SLC35A3: variants seen among roughly 807,000 people sequenced by gnomAD.
SLC35A3 encodes UDP-N-acetylglucosamine transporter.
Under a neutral mutation model 39.0 loss-of-function variants are expected in SLC35A3, and 26 were observed. That is an observed-to-expected ratio of 0.67 (90% CI 0.49 to 0.92). The LOEUF (loss-of-function observed/expected upper bound fraction) is 0.92. Among genes scored for constraint, SLC35A3 ranks in the 40% least tolerant of loss-of-function variants. The pLI is 0.00. For missense variants in SLC35A3, 299 were observed against 371.6 expected, an observed-to-expected ratio of 0.80 and a Z score of 1.61; for synonymous variants, 135 against 133.1, an observed-to-expected ratio of 1.01 and a Z score of -0.10.
chr1:99,999,656 C>G (rs1658631273), intron 3 of SLC35A3, among the ~76,000 whole-genome samples: 1 of 152,040 alleles, frequency 6.6e-6, no homozygotes, highest in Admixed American at 6.6e-5. Context: ...CCATAGTCAC[C>G]TTACTATGCT....
chr1:100,007,105 A>G lies in SLC35A3; in HGVS notation c.414A>G (p.Val138=), dbSNP rs988629039. The change falls in exon 4 of 8, where the codon GTA becomes GTG. Residue 138 remains valine (V), a synonymous_variant. Coordinates refer to ENST00000533028, the MANE Select transcript of SLC35A3 (RefSeq NM_012243.3). ...SVSMLSKKLG[V]YQWLSLVILM... ...CTATGCTTAGTAAAAAATTGGGTGT[A>G]TACCAGTGGCTGTCCCTAGTAATTT... 5.0e-6 allele frequency: 8 copies of G among 1,612,848 alleles called. No individual in the cohort carries two copies. Among genetic ancestry groups the G allele is most frequent in the Admixed American group, 1.7e-5 (1 of 59,892 alleles).
At position 100,031,357 on chromosome 1, in the gene SLC35A3, C is replaced by A. The variant is rs984583569; in HGVS notation, c.*8881C>A. On this transcript the variant is annotated 3_prime_UTR_variant, in exon 8 of 8. Coordinates refer to ENST00000533028, the MANE Select transcript of SLC35A3 (RefSeq NM_012243.3). ...CTTTATCTCTGTTGGGACACTTTAC[C>A]CCTACATACTCCAGCATGCGTGACC... is the stretch of plus-strand genomic sequence containing the variant. 2.0e-5 allele frequency: 3 copies of A among 152,122 alleles called. No individual in the cohort carries two copies. The highest frequency in any genetic ancestry group is 7.2e-5 in the African/African-American group (3 of 41,418). The allele number at this position is 152,122 out of a possible 1,614,324, so 9.4% of individuals were successfully genotyped here. A position where few individuals can be genotyped will look rare whatever the true frequency, so the allele number is the denominator to read the frequency against.
chr1:100,033,643 C>A lies in SLC35A3; in HGVS notation c.*11167C>A, dbSNP rs1187777240. ...AGAGTCCCCAATTTGCTTGTCTAGG[C>A]CTCTACTATTTAATTTGACACCTTT... On this transcript the variant is annotated 3_prime_UTR_variant, in exon 8 of 8. Coordinates refer to ENST00000533028, the MANE Select transcript of SLC35A3 (RefSeq NM_012243.3). The A allele has an allele frequency of 6.6e-6, 1 of 151,942 alleles. No individual in the cohort carries two copies. The highest frequency in any genetic ancestry group is 3.2e-3 in the Middle Eastern group (1 of 316). 9.4% of individuals were successfully genotyped at this position (151,942 alleles called of 1,614,324 possible).
chr1:100,012,209 A>T (rs1406754902), intron 5 of SLC35A3, among the ~76,000 whole-genome samples: 1 of 151,970 alleles, frequency 6.6e-6, no homozygotes, highest in East Asian at 1.9e-4. Flanking sequence ...GCTTGAACCT[A>T]GGAGGCGGAG....
Position 100,034,291 on chromosome 1 carries a change from A to T in SLC35A3, c.*11815A>T, listed in dbSNP as rs930661536. 2.0e-5 allele frequency: 3 copies of T among 151,714 alleles called. No individual in the cohort carries two copies. Among genetic ancestry groups the T allele is most frequent in the African/African-American group, 4.9e-5 (2 of 41,218 alleles). 9.4% of individuals were successfully genotyped at this position (151,714 alleles called of 1,614,324 possible). A position where few individuals can be genotyped will look rare whatever the true frequency, so the allele number is the denominator to read the frequency against. The stretch of plus-strand genomic sequence containing the variant: ...TACTTTACTTTTATTTGTGTCTCTC[A>T]GGTACCCTGTGATTTAGTTTTCATT... On this transcript the variant is annotated 3_prime_UTR_variant, in exon 8 of 8. Transcript: ENST00000533028.
chr1:100,021,032 A>G (rs1660499073), intron 7 of SLC35A3, among the ~76,000 whole-genome samples: 1 of 152,216 alleles, frequency 6.6e-6, no homozygotes, highest in African/African-American at 2.4e-5. Context: ...GCTTTGGACT[A>G]TTAGTAGAAA....
intron 1 of SLC35A3, among the ~76,000 whole-genome samples, chr1:99,975,573 T>C (rs1219956038): frequency 6.6e-6 from 1 of 152,178 alleles, no homozygotes; most frequent in South Asian, 2.1e-4. Context: ...GTAAGATATA[T>C]AGAGGTTCTA....
At chr1:99,975,262 A>G (rs1334315928) in intron 1 of SLC35A3, among the ~76,000 whole-genome samples, 2 of 152,074 alleles carry the variant, frequency 1.3e-5, no homozygotes, top group Non-Finnish European at 2.9e-5. Context: ...CTTTTATGTT[A>G]TTACACAGAG....
chr1:99,985,040 G>C (rs1237920995), intron 1 of SLC35A3, among the ~76,000 whole-genome samples: 1 of 152,076 alleles, frequency 6.6e-6, no homozygotes, highest in Admixed American at 6.5e-5. Context: ...TGGGTTGTCT[G>C]TTTACTCTGC....
intron 4 of SLC35A3, chr1:100,008,757 A>G (rs1659415100): frequency 6.6e-6 from 1 of 152,170 alleles, no homozygotes; most frequent in Admixed American, 6.5e-5. Context: ...CATAACATTT[A>G]AACATTTGTG....
At position 100,030,297 on chromosome 1, in the gene SLC35A3, A is replaced by G. The variant is rs1661155984; in HGVS notation, c.*7821A>G. On this transcript the variant is annotated 3_prime_UTR_variant, in exon 8 of 8. Coordinates refer to ENST00000533028, the MANE Select transcript of SLC35A3 (RefSeq NM_012243.3). ...TTTCCTCATTTTAAAGGTAGAACTC[A>G]CTGCAGGTTTAAAAGAATAATGAAT... 6.6e-6 allele frequency: 1 copy of G among 152,272 alleles called. No homozygotes were observed. Among genetic ancestry groups the G allele is most frequent in the African/African-American group, 2.4e-5 (1 of 41,470 alleles). The allele number at this position is 152,272 out of a possible 1,614,324, so 9.4% of individuals were successfully genotyped here.
Position 100,027,738 on chromosome 1 carries a change from A to G in SLC35A3, c.*5262A>G, listed in dbSNP as rs1660996238. ...CTGCTGAAGTAACCTTACACAAAAT[A>G]CTTTGTAAAAAAATCACTAAAGTGC... On this transcript the variant is annotated 3_prime_UTR_variant, in exon 8 of 8. Coordinates refer to ENST00000533028, the MANE Select transcript of SLC35A3 (RefSeq NM_012243.3). 1 of 152,140 alleles carries G rather than the reference A, an allele frequency of 6.6e-6. No individual in the cohort carries two copies. Among genetic ancestry groups the G allele is most frequent in the African/African-American group, 2.4e-5 (1 of 41,424 alleles). 9.4% of individuals were successfully genotyped at this position (152,140 alleles called of 1,614,324 possible). A position where few individuals can be genotyped will look rare whatever the true frequency, so the allele number is the denominator to read the frequency against.
At position 100,024,183 on chromosome 1, in the gene SLC35A3, A is replaced by G. The variant is rs1468936714; in HGVS notation, c.*1707A>G. 6.6e-6 allele frequency: 1 copy of G among 152,180 alleles called. No individual in the cohort carries two copies. Among genetic ancestry groups the G allele is most frequent in the East Asian group, 1.9e-4 (1 of 5,192 alleles). 9.4% of individuals were successfully genotyped at this position (152,180 alleles called of 1,614,324 possible). A position where few individuals can be genotyped will look rare whatever the true frequency, so the allele number is the denominator to read the frequency against. On this transcript the variant is annotated 3_prime_UTR_variant, in exon 8 of 8. Coordinates refer to ENST00000533028, the MANE Select transcript of SLC35A3 (RefSeq NM_012243.3). Reference sequence around the variant, plus strand: ...GAAATGGTAAGATGATTTGGTGGGCAAAAATGCTTTCTATAATTTGAATAT... The same window carrying G: ...GAAATGGTAAGATGATTTGGTGGGCGAAAATGCTTTCTATAATTTGAATAT...
At chr1:99,988,230 A>G (rs949257003) in intron 1 of SLC35A3, among the ~76,000 whole-genome samples, 8 of 152,176 alleles carry the variant, frequency 5.3e-5, no homozygotes, top group African/African-American at 1.9e-4. Context: ...ATCTGTCACT[A>G]TAATTTAATT....
At chr1:99,979,495 G>A (rs1209705898) in intron 1 of SLC35A3, among the ~76,000 whole-genome samples, 2 of 148,378 alleles carry the variant, frequency 1.3e-5, no homozygotes, top group African/African-American at 2.5e-5. Flanking sequence ...GTGCAGTGGC[G>A]TGATCTCGGC....
rs956284457 is a variant in SLC35A3 at position 100,024,927 on chromosome 1, G to A, written c.*2451G>A. 5 of 337,842 alleles carry A rather than the reference G, an allele frequency of 1.5e-5. No individual in the cohort carries two copies. Among genetic ancestry groups the A allele is most frequent in the African/African-American group, 6.4e-5 (3 of 46,704 alleles). 20.9% of individuals were successfully genotyped at this position (337,842 alleles called of 1,614,324 possible). On this transcript the variant is annotated 3_prime_UTR_variant, in exon 8 of 8. Coordinates refer to ENST00000533028, the MANE Select transcript of SLC35A3 (RefSeq NM_012243.3). ...AGACTGTTGGGTACCCTTGCCTAAC[G>A]TGAACTGGCAGTGTTACCTTGCTTT...
At chr1:99,995,192 G>A (rs557573919) in intron 2 of SLC35A3, among the ~76,000 whole-genome samples, 12 of 136,126 alleles carry the variant, frequency 8.8e-5, no homozygotes, top group South Asian at 4.5e-4. Flanking sequence ...TCACTATGTC[G>A]CCTAGGCTGG....
At chr1:99,972,538 T>C (rs1656879870) in intron 1 of SLC35A3, among the ~76,000 whole-genome samples, 1 of 152,004 alleles carries the variant, frequency 6.6e-6, no homozygotes, top group South Asian at 2.1e-4. Flanking sequence ...GGTTTCACCA[T>C]GTTGGCCAGG....
chr1:99,986,491 T>A (rs556457534), intron 1 of SLC35A3, among the ~76,000 whole-genome samples: 9 of 152,132 alleles, frequency 5.9e-5, no homozygotes, highest in Non-Finnish European at 8.8e-5. Flanking sequence ...TAATAATAAC[T>A]GTATTATTAT....
Sources: gnomAD v4.1 joint callset for allele counts (sites outside exome capture counted in the v4.1 genomes callset) on GRCh38, gnomAD v4.1.1 for gene constraint, MANE v1.5 for transcripts, NCBI Gene and HGNC (gene_info 2026-07-23, HGNC 2026-07-21) for gene names.